PLEKHA6: variants seen among roughly 807,000 people sequenced by gnomAD.
PLEKHA6 encodes the protein pleckstrin homology domain containing A6.
A neutral mutation model predicts 116.7 loss-of-function variants in PLEKHA6; 60 were observed. The ratio of observed to expected loss-of-function variants is 0.51; its 90% CI spans 0.42 to 0.64. The LOEUF is 0.64. Among genes scored for constraint, PLEKHA6 ranks in the 30% least tolerant of loss-of-function variants. The pLI, the probability that PLEKHA6 is intolerant of heterozygous loss-of-function variation, is 0.00. For synonymous variants in PLEKHA6, 489 were observed against 556.1 expected, an observed-to-expected ratio of 0.88 and a Z score of 1.70; for missense variants, 1,338 against 1,422.7, an observed-to-expected ratio of 0.94 and a Z score of 0.96.
intron 1 of PLEKHA6, among the ~76,000 whole-genome samples, chr1:204,336,754 T>C (rs1057494310): frequency 2.0e-5 from 3 of 152,252 alleles, no homozygotes; most frequent in Non-Finnish European, 2.9e-5. Flanking sequence ...GAAATGCTTT[T>C]CCTTACTTGA....
chr1:204,285,152 G>C (rs1669019545), intron 1 of PLEKHA6, among the ~76,000 whole-genome samples: 1 of 152,204 alleles, frequency 6.6e-6, no homozygotes, highest in Non-Finnish European at 1.5e-5. Context: ...CATCATTGTA[G>C]AACATTCTAT....
intron 1 of PLEKHA6, among the ~76,000 whole-genome samples, chr1:204,344,965 CCCCAAGCA>C (rs1672980554): frequency 6.6e-6 from 1 of 152,170 alleles, no homozygotes; most frequent in Admixed American, 6.5e-5. Flanking sequence ...GTCACCCCTG[CCCCAAGCA>C]TAATGCCTGG....
rs1444932956 is a variant in PLEKHA6, at chr1:204,310,867, G to A, written c.-94-36058C>T. ...TCATAGTAAAGGACATTTAGGGAGA[G>A]AAAAGAGGCTCTGCTTTGGAGAAGG... On this transcript the variant is annotated intron_variant, in intron 1 of 22. Transcript: ENST00000272203. 5.3e-5 allele frequency among the ~76,000 whole-genome samples: 8 copies of A among 152,332 alleles called. No individual in the cohort carries two copies. In the East Asian group the frequency reaches 1.3e-3, roughly 26 times the overall value.
intron 1 of PLEKHA6, chr1:204,311,827 T>C (rs989701614): frequency 3.5e-5 from 8 of 225,606 alleles, no homozygotes; most frequent in African/African-American, 1.9e-4. Flanking sequence ...CCCATGGCCA[T>C]GCGGGCCCTA....
At position 204,238,955 on chromosome 1, in the gene PLEKHA6, A is replaced by G. The variant is rs1248527799; in HGVS notation, c.2409+2420T>C. On this transcript the variant is annotated intron_variant, in intron 17 of 22. Coordinates refer to ENST00000272203, the MANE Select transcript of PLEKHA6 (RefSeq NM_014935.5). This position sits in a 1 kb window ranked among gnomAD's most constrained non-coding sequence, Gnocchi z 4.2. Reference sequence around the variant, plus strand: ...GATTATATACTGATTCATGGGCTGTAGCCAATGGTTTGGCTGGATGGTCAG... The same window carrying G: ...GATTATATACTGATTCATGGGCTGTGGCCAATGGTTTGGCTGGATGGTCAG... Among the ~76,000 whole-genome samples the G allele has an allele frequency of 2.0e-5, 3 of 152,266 alleles. No homozygotes were observed. The highest frequency in any genetic ancestry group is 7.2e-5 in the African/African-American group (3 of 41,474).
At chr1:204,230,263 A>G in intron 18 of PLEKHA6, 150 bp downstream of exon 18, 2 of 567,042 alleles carry the variant, frequency 3.5e-6, no homozygotes, top group East Asian at 6.3e-5. Context: ...GATGGGGGAG[A>G]GGACTCTCCG....
At chr1:204,270,360 C>G (rs1571997868) in intron 3 of PLEKHA6, among the ~76,000 whole-genome samples, 1 of 152,206 alleles carries the variant, frequency 6.6e-6, no homozygotes, top group East Asian at 1.9e-4. Flanking sequence ...TCTCCCTAAG[C>G]TATAGCCAAG....
At chr1:204,341,323 C>G (rs1054562202) in intron 1 of PLEKHA6, among the ~76,000 whole-genome samples, 15 of 152,348 alleles carry the variant, frequency 9.8e-5, no homozygotes, top group African/African-American at 3.4e-4. Context: ...CAGAGACCAA[C>G]TGAACCAGGA....
intron 17 of PLEKHA6, among the ~76,000 whole-genome samples, chr1:204,232,688 A>C (rs1281055208): frequency 1.3e-5 from 2 of 152,250 alleles, no homozygotes; most frequent in Non-Finnish European, 2.9e-5. Context: ...TTAACTACAA[A>C]CACATGCTAA....
rs1664212944 is a variant in PLEKHA6 at position 204,249,228 on chromosome 1, C to T, written c.1630G>A (p.Val544Met). Reference sequence around the variant, plus strand: ...TGCACCAGCCGGTCCTGCTCCCTCACCACCTTGTTCTGCTCACACAATTTT... The same window carrying T: ...TGCACCAGCCGGTCCTGCTCCCTCATCACCTTGTTCTGCTCACACAATTTT... Reference protein sequence around the residue: ...LGKLCEQNKVVREQDRLVQQL... With the variant: ...LGKLCEQNKVMREQDRLVQQL... The change falls in exon 11 of 23, where the codon GTG becomes ATG. Residue 544 changes from valine to methionine, a missense_variant. Transcript: ENST00000272203. The T allele has an allele frequency of 1.9e-6, 3 of 1,614,004 alleles. No individual in the cohort carries two copies. In the South Asian group the frequency reaches 3.3e-5, roughly 18 times the overall value.
chr1:204,257,297 C>T lies in PLEKHA6; in HGVS notation c.1524+56G>A. Reference sequence around the variant, plus strand: ...TCTCTGCCTTTTCTCAGTAGATGGTCTTAGGCTTCTGGGGACCTCAGGGGA... The same window carrying T: ...TCTCTGCCTTTTCTCAGTAGATGGTTTTAGGCTTCTGGGGACCTCAGGGGA... On this transcript the variant is annotated intron_variant, in intron 9 of 22. Transcript: ENST00000272203. This position sits in a 1 kb window ranked among gnomAD's most constrained non-coding sequence, Gnocchi z 6.5. 24 of 1,500,674 alleles carry T rather than the reference C, an allele frequency of 1.6e-5. No individual in the cohort carries two copies. Among genetic ancestry groups the T allele is most frequent in the Non-Finnish European group, 2.1e-5 (23 of 1,102,718 alleles). The allele number at this position is 1,500,674 out of a possible 1,614,324, so 93.0% of individuals were successfully genotyped here. A position where few individuals can be genotyped will look rare whatever the true frequency, so the allele number is the denominator to read the frequency against.
chr1:204,308,687 C>CTTTTTTTTTTTTT (rs60251937), intron 1 of PLEKHA6, among the ~76,000 whole-genome samples: 3,604 of 81,318 alleles, frequency 0.044, 188 homozygotes, highest in Non-Finnish European at 0.048. Context: ...TTTTCTTTTT[C>CTTTTTTTTTTTTT]TTTTTTTTTT....
At chr1:204,297,321 C>T (rs1271232655) in intron 1 of PLEKHA6, 4 of 505,842 alleles carry the variant, frequency 7.9e-6, no homozygotes, top group South Asian at 1.7e-4. Flanking sequence ...AATCCTCGTC[C>T]CCCTTTAAGT....
chr1:204,330,884 C>A (rs922757680), intron 1 of PLEKHA6, among the ~76,000 whole-genome samples: 4 of 152,130 alleles, frequency 2.6e-5, no homozygotes, highest in Non-Finnish European at 5.9e-5. Context: ...CCTTTCAGTA[C>A]CCTGGGTTCT....
intron 1 of PLEKHA6, chr1:204,301,239 G>A: frequency 2.0e-6 from 2 of 984,590 alleles, no homozygotes; most frequent in South Asian, 4.7e-5. Context: ...AGTCACCAGA[G>A]TTATTTAAGC....
intron 1 of PLEKHA6, among the ~76,000 whole-genome samples, chr1:204,322,226 C>A (rs1032896343): frequency 1.3e-5 from 2 of 152,184 alleles, no homozygotes; most frequent in African/African-American, 4.8e-5. Context: ...AACCCGCCCC[C>A]CTACACACAC....
At chr1:204,303,755 C>T (rs1671033253) in intron 1 of PLEKHA6, among the ~76,000 whole-genome samples, 1 of 152,146 alleles carries the variant, frequency 6.6e-6, no homozygotes, top group Non-Finnish European at 1.5e-5. Context: ...ACTCTATTGC[C>T]CAGGCTGGAG....
At chr1:204,265,071 G>A (rs1558100134) in intron 5 of PLEKHA6, 29 bp from the exon 6 acceptor site, 4 of 1,373,236 alleles carry the variant, frequency 2.9e-6, no homozygotes, top group Middle Eastern at 3.5e-4. Context: ...CAAGAAGGGT[G>A]TGTGTGTGTG....
chr1:204,360,789 C>A (rs560353704), upstream of PLEKHA6, among the ~76,000 whole-genome samples: 4 of 152,256 alleles, frequency 2.6e-5, no homozygotes, highest in Non-Finnish European at 5.9e-5. Flanking sequence ...GCTAGCCAAG[C>A]TACGGGGTAC....
Sources: allele counts gnomAD v4.1 joint callset (sites outside exome capture counted in the v4.1 genomes callset), GRCh38; gene constraint gnomAD v4.1.1; non-coding constraint Gnocchi (gnomAD v3.1); transcripts MANE v1.5; gene names NCBI Gene and HGNC (gene_info 2026-07-23, HGNC 2026-07-21).